The following ZHX3 variants were observed in gnomAD, a reference collection of about 807,000 sequenced individuals.
ZHX3 encodes zinc fingers and homeoboxes 3.
In ZHX3, 20 loss-of-function variants were observed where a neutral mutation model predicts 64.5. That is an observed-to-expected ratio of 0.31 (90% CI 0.22 to 0.45). The LOEUF (loss-of-function observed/expected upper bound fraction) is 0.45. ZHX3 is among the 20% of genes least tolerant of loss of function. The probability of loss-of-function intolerance (pLI) is 1.00; values close to 1 mark genes in which losing one functional copy is unlikely to be tolerated. For synonymous variants in ZHX3, 423 were observed against 461.6 expected, an observed-to-expected ratio of 0.92 and a Z score of 1.07; for missense variants, 1,041 against 1,195.8, an observed-to-expected ratio of 0.87 and a Z score of 1.91.
chr20:41,241,719 G>C (rs1320655764), intron 2 of ZHX3, among the ~76,000 whole-genome samples: 1 of 152,030 alleles, frequency 6.6e-6, no homozygotes, highest in Non-Finnish European at 1.5e-5. Flanking sequence ...GGATAGCTTT[G>C]GTTATTCTGG....
intron 2 of ZHX3, among the ~76,000 whole-genome samples, chr20:41,210,849 AATT>A (rs1248581732): frequency 1.3e-5 from 2 of 152,218 alleles, no homozygotes; most frequent in Non-Finnish European, 1.5e-5. Context: ...TTTAAAAAAG[AATT>A]ATAAGTAATC....
At chr20:41,291,261 A>C (rs539802367) in intron 1 of ZHX3, among the ~76,000 whole-genome samples, 1 of 152,318 alleles carries the variant, frequency 6.6e-6, no homozygotes, top group South Asian at 2.1e-4. Context: ...ATAGAAAGAG[A>C]AGATCAGAGA....
intron 2 of ZHX3, among the ~76,000 whole-genome samples, chr20:41,268,561 G>A (rs555768936): frequency 6.6e-6 from 1 of 152,196 alleles, no homozygotes; most frequent in South Asian, 2.1e-4. Flanking sequence ...CACATATATT[G>A]TAACCTGAGA....
chr20:41,265,700 GATT>G (rs2042810423), intron 2 of ZHX3, among the ~76,000 whole-genome samples: 1 of 152,110 alleles, frequency 6.6e-6, no homozygotes. Flanking sequence ...CTTCTGAGGT[GATT>G]TTAATGTGTA....
intron 2 of ZHX3, among the ~76,000 whole-genome samples, chr20:41,238,992 C>CT (rs36076017): frequency 0.052 from 4,510 of 86,332 alleles, 756 homozygotes; most frequent in African/African-American, 0.12. Flanking sequence ...TTTTCTCTCT[C>CT]TTTTTTTTTT....
chr20:41,288,645 C>CA (rs2044059732), intron 1 of ZHX3, among the ~76,000 whole-genome samples: 2 of 152,116 alleles, frequency 1.3e-5, no homozygotes. Context: ...AATTTTATGA[C>CA]AAATAGGGCC....
At chr20:41,289,609 T>TA (rs1316139846) in intron 1 of ZHX3, among the ~76,000 whole-genome samples, 4 of 152,340 alleles carry the variant, frequency 2.6e-5, no homozygotes, top group South Asian at 4.1e-4. Flanking sequence ...CTTATTGTAC[T>TA]AATAAAACGT....
intron 2 of ZHX3, among the ~76,000 whole-genome samples, chr20:41,211,039 GAA>G (rs1387161322): frequency 1.3e-5 from 2 of 151,992 alleles, no homozygotes; most frequent in South Asian, 4.2e-4. Context: ...TGCTAAGAAA[GAA>G]AACAGCTAAG....
At chr20:41,254,235 T>C (rs902900877) in intron 2 of ZHX3, among the ~76,000 whole-genome samples, 58 of 152,192 alleles carry the variant, frequency 3.8e-4, no homozygotes, top group African/African-American at 1.3e-3. Context: ...CCTATTGTTA[T>C]TCATCTATTT....
rs943014842 is a variant in ZHX3, at chr20:41,200,718, T to C, written c.2860+1339A>G. Among the ~76,000 whole-genome samples, 1 of 152,150 alleles carries C rather than the reference T, an allele frequency of 6.6e-6. No individual in the cohort carries two copies. The highest frequency in any genetic ancestry group is 1.5e-5 in the Non-Finnish European group (1 of 68,032). Reference sequence around the variant, plus strand: ...GGCTTTGTGGAACTGGATTTTGCCTTAGTATGTTAATATGAGAAGAACAGG... The same window carrying C: ...GGCTTTGTGGAACTGGATTTTGCCTCAGTATGTTAATATGAGAAGAACAGG... On this transcript the variant is annotated intron_variant, in intron 3 of 3. Coordinates refer to ENST00000683867, the MANE Select transcript of ZHX3 (RefSeq NM_001384317.1). This position sits in a 1 kb window ranked among gnomAD's most constrained non-coding sequence, Gnocchi z 4.2.
chr20:41,295,708 AG>A (rs1199211321), intron 1 of ZHX3, among the ~76,000 whole-genome samples: 8 of 152,144 alleles, frequency 5.3e-5, no homozygotes, highest in African/African-American at 1.9e-4. Context: ...AAAGTTAGCC[AG>A]GCGTGGTAGC....
intron 2 of ZHX3, among the ~76,000 whole-genome samples, chr20:41,206,069 C>A (rs911211319): frequency 9.2e-5 from 14 of 152,212 alleles, no homozygotes; most frequent in Non-Finnish European, 1.8e-4. Context: ...CTCCAACAGA[C>A]CTGCATCTGA....
chr20:41,302,290 A>C (rs1408786580), intron 1 of ZHX3, among the ~76,000 whole-genome samples: 2 of 152,058 alleles, frequency 1.3e-5, no homozygotes, highest in African/African-American at 4.8e-5. Context: ...CCACTGCATC[A>C]ATTTTCTTAT....
At chr20:41,241,079 AG>A (rs1164659047) in intron 2 of ZHX3, among the ~76,000 whole-genome samples, 6 of 152,212 alleles carry the variant, frequency 3.9e-5, no homozygotes, top group Non-Finnish European at 8.8e-5. Flanking sequence ...TAGTTTTTAG[AG>A]GAACCTCCAA....
chr20:41,207,435 T>C (rs2038809295), intron 2 of ZHX3, among the ~76,000 whole-genome samples: 1 of 152,120 alleles, frequency 6.6e-6, no homozygotes, highest in Non-Finnish European at 1.5e-5. Flanking sequence ...ATTGACCACA[T>C]AGTTGGAAGT....
chr20:41,247,544 G>A (rs971172689), intron 2 of ZHX3, among the ~76,000 whole-genome samples: 6 of 152,256 alleles, frequency 3.9e-5, no homozygotes, highest in African/African-American at 1.4e-4. Context: ...CAGGCATTAA[G>A]TGCCTGTTAA....
intron 3 of ZHX3, among the ~76,000 whole-genome samples, chr20:41,193,626 C>A (rs927745435): frequency 3.3e-5 from 5 of 151,882 alleles, no homozygotes. Context: ...TTATATCCTG[C>A]AGCTTTGCCA....
intron 2 of ZHX3, among the ~76,000 whole-genome samples, chr20:41,261,258 A>C (rs1366089667): frequency 6.6e-6 from 1 of 152,150 alleles, no homozygotes; most frequent in Non-Finnish European, 1.5e-5. Flanking sequence ...TATTTTTTTA[A>C]ATAACAGAAG....
chr20:41,247,352 G>C (rs1234601790), intron 2 of ZHX3, among the ~76,000 whole-genome samples: 1 of 152,178 alleles, frequency 6.6e-6, no homozygotes, highest in Non-Finnish European at 1.5e-5. Flanking sequence ...TTCAGAGTTG[G>C]ATGAACCTGG....
Sources: gnomAD v4.1 joint callset for allele counts (sites outside exome capture counted in the v4.1 genomes callset) on GRCh38, gnomAD v4.1.1 for gene constraint, Gnocchi (gnomAD v3.1) non-coding constraint, MANE v1.5 for transcripts, NCBI Gene and HGNC (gene_info 2026-07-23, HGNC 2026-07-21) for gene names.